Variants in CSRNP3 observed in about 807,000 individuals in gnomAD.
CSRNP3 encodes the protein cysteine and serine rich nuclear protein 3, also known as cysteine/serine-rich nuclear protein 3.
In CSRNP3, 12 loss-of-function variants were observed where a neutral mutation model predicts 48.0. That is an observed-to-expected ratio of 0.25 (90% CI 0.16 to 0.41). CSRNP3 has a LOEUF of 0.41. Ranked by LOEUF, CSRNP3 falls within the 10% of genes least tolerant of loss-of-function variation. CSRNP3 has a pLI of 1.00. For synonymous variants in CSRNP3, 263 were observed against 269.7 expected, an observed-to-expected ratio of 0.98 and a Z score of 0.24; for missense variants, 580 against 724.4, an observed-to-expected ratio of 0.80 and a Z score of 2.29.
intron 3 of CSRNP3, among the ~76,000 whole-genome samples, chr2:165,553,073 C>T (rs1685118479): frequency 6.6e-6 from 1 of 152,128 alleles, no homozygotes; most frequent in Non-Finnish European, 1.5e-5. Context: ...TGTTCTCCAA[C>T]CCTGTTACAT....
intron 3 of CSRNP3, among the ~76,000 whole-genome samples, chr2:165,560,077 A>G (rs926573546): frequency 2.0e-5 from 3 of 152,000 alleles, no homozygotes; most frequent in East Asian, 3.9e-4. Flanking sequence ...GGGATTACAG[A>G]CGTGAGCCAA....
rs957717951 is a variant in CSRNP3 at position 165,683,271 on chromosome 2, A to G, written c.*3518A>G. ...GTGATAAAACCATTTTCTCAATGTG[A>G]CAGCCACATGTAAAATGTGAAACTA... On this transcript the variant is annotated 3_prime_UTR_variant, in exon 7 of 7. Transcript: ENST00000651982. 1.3e-5 allele frequency: 2 copies of G among 152,124 alleles called. No individual in the cohort carries two copies. Among genetic ancestry groups the G allele is most frequent in the Admixed American group, 1.3e-4 (2 of 15,254 alleles). The allele number at this position is 152,124 out of a possible 1,614,324, so 9.4% of individuals were successfully genotyped here. A position where few individuals can be genotyped will look rare whatever the true frequency, so the allele number is the denominator to read the frequency against.
intron 3 of CSRNP3, among the ~76,000 whole-genome samples, chr2:165,575,717 A>G (rs10200396): frequency 0.32 from 48,877 of 151,778 alleles, 8,070 homozygotes; most frequent in Admixed American, 0.43. Flanking sequence ...GAGGATAGCT[A>G]TTTAAAACAG....
intron 3 of CSRNP3, among the ~76,000 whole-genome samples, chr2:165,540,256 T>C (rs1372139118): frequency 1.3e-5 from 2 of 152,054 alleles, no homozygotes; most frequent in Non-Finnish European, 2.9e-5. Context: ...CCTGTCTTTA[T>C]TGTTAAATTC....
rs1197494925 is a variant in CSRNP3 at position 165,486,628 on chromosome 2, TCCCTGAC to T, written c.-282-8120_-282-8114del. ...CGGGCAGACTGCCTCCTCAAGTGGG[TCCCTGAC>T]CCCTGACCCCCGAGCAGCCTAACTG... On this transcript the variant is annotated intron_variant, in intron 1 of 6. Transcript: ENST00000651982. Among the ~76,000 whole-genome samples, 39 of 85,270 alleles carry T rather than the reference TCCCTGAC, an allele frequency of 4.6e-4. No individual in the cohort carries two copies. The Middle Eastern group carries it at 0.013, about 29-fold the overall frequency. 55.9% of individuals were successfully genotyped at this position (85,270 alleles called of 152,430 possible).
intron 4 of CSRNP3, among the ~76,000 whole-genome samples, chr2:165,634,241 G>GAGAT (rs1686590489): frequency 6.6e-6 from 1 of 152,218 alleles, no homozygotes; most frequent in Non-Finnish European, 1.5e-5. Flanking sequence ...TCAGGAGGCT[G>GAGAT]AGATGGAAGA....
intron 3 of CSRNP3, among the ~76,000 whole-genome samples, chr2:165,575,429 T>C (rs575722852): frequency 2.3e-4 from 35 of 152,156 alleles, no homozygotes; most frequent in South Asian, 6.2e-4. Context: ...CTATTACAGG[T>C]TGTATGTGTA....
chr2:165,492,208 T>C (rs1165120969), intron 1 of CSRNP3, among the ~76,000 whole-genome samples: 8 of 152,152 alleles, frequency 5.3e-5, no homozygotes, highest in Non-Finnish European at 1.2e-4. Flanking sequence ...TTCTACCTTC[T>C]TTATTGTAGA....
intron 3 of CSRNP3, among the ~76,000 whole-genome samples, chr2:165,549,059 A>G (rs1685066336): frequency 6.7e-6 from 1 of 150,216 alleles, no homozygotes; most frequent in South Asian, 2.1e-4. Context: ...ATTTGAGGCA[A>G]TCTGCTTTTG....
chr2:165,682,654 T>C lies in CSRNP3; in HGVS notation c.*2901T>C, dbSNP rs539985711. The C allele has an allele frequency of 6.6e-6, 1 of 152,282 alleles. No homozygotes were observed. Among genetic ancestry groups the C allele is most frequent in the African/African-American group, 2.4e-5 (1 of 41,572 alleles). 9.4% of individuals were successfully genotyped at this position (152,282 alleles called of 1,614,324 possible). ...TGCAAACATACTTATGATGGAATCATTTCATTTTTAGTTCCTTTCCCAGAA... is the reference window on the plus strand; with the variant it reads ...TGCAAACATACTTATGATGGAATCACTTCATTTTTAGTTCCTTTCCCAGAA... On this transcript the variant is annotated 3_prime_UTR_variant, in exon 7 of 7. Coordinates refer to ENST00000651982, the MANE Select transcript of CSRNP3 (RefSeq NM_001172173.2).
chr2:165,631,359 A>G (rs985245784), intron 4 of CSRNP3, among the ~76,000 whole-genome samples: 4 of 152,330 alleles, frequency 2.6e-5, no homozygotes, highest in South Asian at 2.1e-4. Flanking sequence ...AGTGGTGCCA[A>G]TGAAGGCGTT....
chr2:165,566,356 T>C (rs915909174), intron 3 of CSRNP3, among the ~76,000 whole-genome samples: 2 of 151,888 alleles, frequency 1.3e-5, no homozygotes, highest in African/African-American at 4.8e-5. Flanking sequence ...CCTGAAGATT[T>C]ATTTCCCATG....
intron 3 of CSRNP3, among the ~76,000 whole-genome samples, chr2:165,574,674 GGGGTAA>G (rs1685420540): frequency 6.6e-6 from 1 of 151,982 alleles, no homozygotes; most frequent in African/African-American, 2.4e-5. Context: ...TTCCATTTCG[GGGGTAA>G]GTTCTTTATT....
chr2:165,660,342 G>A (rs1687075928), intron 5 of CSRNP3, among the ~76,000 whole-genome samples: 1 of 151,912 alleles, frequency 6.6e-6, no homozygotes, highest in African/African-American at 2.4e-5. Context: ...AATAAAAGAA[G>A]CACAGAGATG....
intron 2 of CSRNP3, among the ~76,000 whole-genome samples, chr2:165,511,175 A>G (rs562250791): frequency 2.4e-4 from 36 of 152,304 alleles, no homozygotes; most frequent in Middle Eastern, 3.4e-3. Context: ...GACCTCGATA[A>G]GTGTTATTTC....
At chr2:165,497,849 T>A (rs1469195590) in intron 2 of CSRNP3, among the ~76,000 whole-genome samples, 1 of 152,120 alleles carries the variant, frequency 6.6e-6, no homozygotes, top group Non-Finnish European at 1.5e-5. Context: ...CAAGCCTGGC[T>A]ACTAAGTAGA....
At chr2:165,597,590 A>G (rs996259308) in intron 4 of CSRNP3, among the ~76,000 whole-genome samples, 1 of 152,124 alleles carries the variant, frequency 6.6e-6, no homozygotes, top group Non-Finnish European at 1.5e-5. Flanking sequence ...TCACATTGGA[A>G]AATACTTAAT....
intron 2 of CSRNP3, among the ~76,000 whole-genome samples, chr2:165,510,672 A>T (rs1435274812): frequency 6.6e-6 from 1 of 152,224 alleles, no homozygotes; most frequent in African/African-American, 2.4e-5. Context: ...CAGAGAGGGT[A>T]GAAGCCTGGA....
intron 1 of CSRNP3, among the ~76,000 whole-genome samples, chr2:165,484,644 G>C: frequency 6.6e-6 from 1 of 152,252 alleles, no homozygotes; most frequent in South Asian, 2.1e-4. Flanking sequence ...ATGTGGATGG[G>C]ACAAACTCAA....
Sources: allele counts gnomAD v4.1 joint callset (sites outside exome capture counted in the v4.1 genomes callset), GRCh38; gene constraint gnomAD v4.1.1; transcripts MANE v1.5; gene names NCBI Gene and HGNC (gene_info 2026-07-23, HGNC 2026-07-21).